Variants in ANKS1B observed in about 807,000 individuals in gnomAD.
The protein encoded by ANKS1B is ankyrin repeat and sterile alpha motif domain containing 1B, also known as ankyrin repeat and sterile alpha motif domain-containing protein 1B.
ANKS1B carries 36 observed loss-of-function variants against 148.3 expected under a neutral mutation model. The ratio of observed to expected loss-of-function variants is 0.24; its 90% CI spans 0.19 to 0.32. The LOEUF (loss-of-function observed/expected upper bound fraction) is 0.32. Among genes scored for constraint, ANKS1B ranks in the 10% least tolerant of loss-of-function variants. The pLI is 1.00. For missense variants in ANKS1B, 1,157 were observed against 1,542.6 expected, an observed-to-expected ratio of 0.75 and a Z score of 4.19; for synonymous variants, 542 against 560.8, an observed-to-expected ratio of 0.97 and a Z score of 0.47.
chr12:99,823,721 A>G (rs1016051512), intron 2 of ANKS1B, among the ~76,000 whole-genome samples: 6 of 152,156 alleles, frequency 3.9e-5, no homozygotes, highest in African/African-American at 1.2e-4. Flanking sequence ...ATAGTTTGAG[A>G]TCTTACATTT....
chr12:98,873,417 T>C (rs1471799385), intron 17 of ANKS1B, among the ~76,000 whole-genome samples: 2 of 152,212 alleles, frequency 1.3e-5, no homozygotes, highest in Non-Finnish European at 2.9e-5. Flanking sequence ...AAATAACAGT[T>C]TAAGCATGGT....
chr12:99,455,131 G>C (rs946746552), intron 10 of ANKS1B, among the ~76,000 whole-genome samples: 2 of 152,000 alleles, frequency 1.3e-5, no homozygotes, highest in African/African-American at 4.8e-5. Flanking sequence ...TGTACTCTTA[G>C]TGGTCCCTGT....
At chr12:99,928,494 G>A (rs111765602) in intron 1 of ANKS1B, among the ~76,000 whole-genome samples, 5,870 of 151,604 alleles carry the variant, frequency 0.039, 357 homozygotes, top group African/African-American at 0.13. Flanking sequence ...TAGCCAGGAT[G>A]GTCTCGATCT....
chr12:99,047,300 T>C (rs1306255324), intron 17 of ANKS1B, among the ~76,000 whole-genome samples: 1 of 152,038 alleles, frequency 6.6e-6, no homozygotes, highest in Non-Finnish European at 1.5e-5. Context: ...CTTGAGAGGC[T>C]GAGGCAGGAG....
At position 99,130,676 on chromosome 12, in the gene ANKS1B, T is replaced by C. The variant is rs145238095; in HGVS notation, c.2526+23613A>G. ...TGTCAGTGTGCTTACTCCCCACATT[T>C]TGAACGGATTAAGTTCAAATGCCTC... On this transcript the variant is annotated intron_variant, in intron 15 of 26. Transcript: ENST00000683438. Among the ~76,000 whole-genome samples the C allele has an allele frequency of 7.9e-5, 12 of 152,246 alleles. No homozygotes were observed. The East Asian group carries it at 2.3e-3, about 29-fold the overall frequency.
chr12:99,893,776 A>AT (rs2093245574), intron 1 of ANKS1B, among the ~76,000 whole-genome samples: 1 of 152,194 alleles, frequency 6.6e-6, no homozygotes, highest in African/African-American at 2.4e-5. Context: ...CACTTAGAAT[A>AT]ATCGTTTCCA....
chr12:99,868,365 C>T (rs1362253721), intron 1 of ANKS1B, among the ~76,000 whole-genome samples: 1 of 152,070 alleles, frequency 6.6e-6, no homozygotes, highest in African/African-American at 2.4e-5. Flanking sequence ...ATAAAAAAAC[C>T]TATAGCAGTC....
chr12:99,489,866 T>C (rs560104843), intron 10 of ANKS1B, among the ~76,000 whole-genome samples: 1 of 152,310 alleles, frequency 6.6e-6, no homozygotes, highest in African/African-American at 2.4e-5. Flanking sequence ...AATGGTTCTA[T>C]GGAAATGAAA....
At chr12:99,824,769 ATTTGAAACAG>A (rs1422858722) in intron 2 of ANKS1B, among the ~76,000 whole-genome samples, 1 of 152,232 alleles carries the variant, frequency 6.6e-6, no homozygotes, top group Non-Finnish European at 1.5e-5. Flanking sequence ...CTATTACATT[ATTTGAAACAG>A]TTTTACTTAT....
intron 2 of ANKS1B, among the ~76,000 whole-genome samples, chr12:99,822,965 A>G (rs2082690661): frequency 6.6e-6 from 1 of 152,002 alleles, no homozygotes; most frequent in Non-Finnish European, 1.5e-5. Flanking sequence ...TCATTTTTTG[A>G]CTTTTTAATA....
intron 3 of ANKS1B, among the ~76,000 whole-genome samples, chr12:99,809,959 C>T (rs2068123866): frequency 6.6e-6 from 1 of 151,946 alleles, no homozygotes; most frequent in African/African-American, 2.4e-5. Flanking sequence ...GGCTGTAACT[C>T]CATATATATA....
intron 15 of ANKS1B, among the ~76,000 whole-genome samples, chr12:99,098,395 A>C (rs1238608374): frequency 6.6e-6 from 1 of 152,112 alleles, no homozygotes; most frequent in East Asian, 1.9e-4. Context: ...GGGATTGAGG[A>C]TTATTAATAA....
At chr12:99,174,349 A>G (rs548552549) in intron 14 of ANKS1B, among the ~76,000 whole-genome samples, 3 of 152,362 alleles carry the variant, frequency 2.0e-5, no homozygotes, top group African/African-American at 7.2e-5. Context: ...GACCCAGTTA[A>G]GCCATGTCTA....
intron 10 of ANKS1B, among the ~76,000 whole-genome samples, chr12:99,470,114 C>CTAATAATAA (rs369653175): frequency 1.8e-4 from 26 of 148,090 alleles, no homozygotes; most frequent in Middle Eastern, 3.6e-3. Context: ...GACTCTGTCT[C>CTAATAATAA]TAATAATAAT....
chr12:99,254,234 T>A (rs1259841983), intron 12 of ANKS1B, among the ~76,000 whole-genome samples: 1 of 152,226 alleles, frequency 6.6e-6, no homozygotes, highest in African/African-American at 2.4e-5. Flanking sequence ...TGTAAGAATG[T>A]ACTTGCCTGT....
At chr12:99,249,021 C>A (rs544089789) in intron 12 of ANKS1B, among the ~76,000 whole-genome samples, 3 of 152,240 alleles carry the variant, frequency 2.0e-5, no homozygotes, top group African/African-American at 7.2e-5. Context: ...GACCTGGCAT[C>A]TTGTTCCAAT....
At chr12:99,917,353 G>T (rs2094202544) in intron 1 of ANKS1B, among the ~76,000 whole-genome samples, 1 of 152,184 alleles carries the variant, frequency 6.6e-6, no homozygotes, top group African/African-American at 2.4e-5. Flanking sequence ...CATCACAATG[G>T]TTGCACAGTG....
chr12:99,139,034 C>T (rs532512350), intron 15 of ANKS1B, among the ~76,000 whole-genome samples: 21 of 140,934 alleles, frequency 1.5e-4, no homozygotes, highest in Admixed American at 4.2e-4. Flanking sequence ...CAGAGTTTCA[C>T]TCAGTTTCCC....
At chr12:99,572,483 A>G (rs1170584807) in intron 9 of ANKS1B, among the ~76,000 whole-genome samples, 1 of 152,080 alleles carries the variant, frequency 6.6e-6, no homozygotes, top group East Asian at 1.9e-4. Flanking sequence ...TAAGCCATGC[A>G]ATTTTATATT....
Sources: allele counts gnomAD v4.1 joint callset (sites outside exome capture counted in the v4.1 genomes callset), GRCh38; gene constraint gnomAD v4.1.1; transcripts MANE v1.5; gene names NCBI Gene and HGNC (gene_info 2026-07-23, HGNC 2026-07-21).